Variants in BOD1L1 observed in about 807,000 individuals in gnomAD.
BOD1L1 encodes the protein biorientation of chromosomes in cell division 1 like 1.
Under a neutral mutation model 240.7 loss-of-function variants are expected in BOD1L1, and 86 were observed. The observed-to-expected ratio is 0.36, with a 90% CI of 0.30 to 0.43. The LOEUF (loss-of-function observed/expected upper bound fraction) is 0.43. BOD1L1 is among the 20% of genes least tolerant of loss of function. The pLI, the probability that BOD1L1 is intolerant of heterozygous loss-of-function variation, is 1.00. For synonymous variants in BOD1L1, 1,268 were observed against 1,272.3 expected (o/e 1.00, Z 0.07); for missense variants, 3,554 against 3,643.5 (o/e 0.98, Z 0.63).
chr4:13,603,453 A>C lies in BOD1L1; in HGVS notation c.3447T>G (p.Ile1149Met). The C allele has an allele frequency of 6.2e-7, 1 of 1,613,818 alleles. No individual in the cohort carries two copies. ...TTTTTTGTTTCATATTTTCAGAGTCAATGTCTTGCTGAGAATTATTATTGC... is the reference window on the plus strand; with the variant it reads ...TTTTTTGTTTCATATTTTCAGAGTCCATGTCTTGCTGAGAATTATTATTGC... ...DNRNNNSQQD[I>M]DSENMKQKTS... Residue 1149 changes from isoleucine (I) to methionine (M), a missense_variant, in exon 10 of 26, where the codon ATT becomes ATG. This residue lies in a region of BOD1L1 where 3,393 missense variants were observed against 3,427.1 expected (regional missense o/e 0.99). Transcript: ENST00000040738.
rs775689529 is a variant in BOD1L1 at position 13,601,015 on chromosome 4, A to G, written c.5885T>C (p.Val1962Ala). ...TGGTGTCACTTCATCCTTTCCTGAG[A>G]CTGCACTGGTCACACTGCTTTCTAC... ...GIVESSVTSA[V>A]SGKDEVTPVP... Residue 1962 changes from valine (V) to alanine (A), a missense_variant, in exon 10 of 26, where the codon GTC (valine) becomes GCC (alanine). Physicochemically the swap from Val to Ala is moderately conservative, Grantham distance 64 (BLOSUM62 0). Transcript: ENST00000040738. 1.2e-6 allele frequency: 2 copies of G among 1,613,990 alleles called. No individual in the cohort carries two copies. Among genetic ancestry groups the G allele is most frequent in the South Asian group, 2.2e-5 (2 of 91,078 alleles).
intron 2 of BOD1L1, among the ~76,000 whole-genome samples, chr4:13,616,895 A>G (rs1716644085): frequency 6.6e-6 from 1 of 152,218 alleles, no homozygotes; most frequent in African/African-American, 2.4e-5. Context: ...AAAATGTAGT[A>G]GGTAGAAAAG....
At chr4:13,576,560 A>AAAATATATTTGTAAG (rs1560177942) in intron 25 of BOD1L1, among the ~76,000 whole-genome samples, 138 of 152,326 alleles carry the variant, frequency 9.1e-4, no homozygotes, top group African/African-American at 3.2e-3. Context: ...GAAGGATGGC[A>AAAATATATTTGTAAG]GATGCTCAAA....
chr4:13,621,603 G>A (rs1034967809), intron 1 of BOD1L1, among the ~76,000 whole-genome samples: 1 of 152,152 alleles, frequency 6.6e-6, no homozygotes, highest in African/African-American at 2.4e-5. Context: ...ATCCTCCATT[G>A]ATGTGTAAGC....
intron 16 of BOD1L1, 70 bp downstream of exon 16, chr4:13,587,629 G>T: frequency 8.8e-7 from 1 of 1,139,602 alleles, no homozygotes; most frequent in African/African-American, 1.6e-5. Flanking sequence ...CTATGTTTTT[G>T]GCTCACTCTT....
rs761017070 is a variant in BOD1L1, at chr4:13,608,678, A to C, written c.1604-10T>G. 7.0e-7 allele frequency: 1 copy of C among 1,431,082 alleles called. No homozygotes were observed. The highest frequency in any genetic ancestry group is 1.6e-5 in the South Asian group (1 of 60,832). The allele number at this position is 1,431,082 out of a possible 1,614,324, so 88.6% of individuals were successfully genotyped here. On this transcript the variant is annotated splice_polypyrimidine_tract_variant and intron_variant, in intron 7 of 25. Coordinates refer to ENST00000040738, the MANE Select transcript of BOD1L1 (RefSeq NM_148894.3). The stretch of plus-strand genomic sequence containing the variant: ...TCCACACTACTCCTGCCTAGAAAAG[A>C]AGCAATCAATAAAACGTATTTCAGA...
Position 13,611,090 on chromosome 4 carries a change from C to T in BOD1L1, c.1335G>A (p.Lys445=). The T allele has an allele frequency of 6.3e-7, 1 of 1,599,706 alleles. No individual in the cohort carries two copies. Among genetic ancestry groups the T allele is most frequent in the Non-Finnish European group, 8.5e-7 (1 of 1,170,944 alleles). ...EGEITSDDEE[K]NKQNKTKTQT... is the part of the protein sequence containing the mutation. ...GAGTTTTTGTTTTATTCTGTTTGTT[C>T]TTCTCTTCATCTGTAAGAAAGTTAA... The change falls in exon 6 of 26, where the codon AAG becomes AAA. Residue 445 remains lysine (K), a synonymous_variant. Coordinates refer to ENST00000040738, the MANE Select transcript of BOD1L1 (RefSeq NM_148894.3).
rs1712001533 is a variant in BOD1L1, at chr4:13,569,240, A to G, written c.*771T>C. 6.6e-6 allele frequency: 1 copy of G among 152,244 alleles called. No homozygotes were observed. 9.4% of individuals were successfully genotyped at this position (152,244 alleles called of 1,614,324 possible). A position where few individuals can be genotyped will look rare whatever the true frequency, so the allele number is the denominator to read the frequency against. ...AGGAATGAAGAGGGATTTCTGCTGC[A>G]GGTGACTGACGCAACTTTACCTGAA... On this transcript the variant is annotated 3_prime_UTR_variant, in exon 26 of 26. Transcript: ENST00000040738.
intron 10 of BOD1L1, among the ~76,000 whole-genome samples, chr4:13,597,586 T>C (rs1159213035): frequency 6.6e-6 from 1 of 152,176 alleles, no homozygotes; most frequent in Non-Finnish European, 1.5e-5. Context: ...CACAGAAAAA[T>C]TGAACACAAA....
Position 13,569,982 on chromosome 4 carries a change from C to T in BOD1L1, c.*29G>A. 6.7e-7 allele frequency: 1 copy of T among 1,493,432 alleles called. No homozygotes were observed. Among genetic ancestry groups the T allele is most frequent in the Non-Finnish European group, 9.0e-7 (1 of 1,114,778 alleles). The allele number at this position is 1,493,432 out of a possible 1,614,324, so 92.5% of individuals were successfully genotyped here. A position where few individuals can be genotyped will look rare whatever the true frequency, so the allele number is the denominator to read the frequency against. On this transcript the variant is annotated 3_prime_UTR_variant, in exon 26 of 26. Transcript: ENST00000040738. ...TCTCTTTCCTCTCCACCGTGTTCCT[C>T]CATAAGCCTAGGGCAGCAGTGGTCA...
chr4:13,614,436 T>G lies in BOD1L1; in HGVS notation c.934A>C (p.Ser312Arg). 1 of 1,608,438 alleles carries G rather than the reference T, an allele frequency of 6.2e-7. No homozygotes were observed. The highest frequency in any genetic ancestry group is 1.3e-5 in the African/African-American group (1 of 75,024). ...TCTGTTGATTTATTTTTTTGCTCAC[T>G]GCTTTCCTGTTGAACATCCTTATTT... is the stretch of plus-strand genomic sequence containing the variant. ...LLNKDVQQES[S>R]EQKNKSTDKG... Residue 312 changes from serine to arginine, a missense_variant, in exon 4 of 26, where the codon AGT becomes CGT. Transcript: ENST00000040738.
chr4:13,584,083 CA>C (rs1713447981), intron 17 of BOD1L1, among the ~76,000 whole-genome samples: 1 of 152,202 alleles, frequency 6.6e-6, no homozygotes, highest in Admixed American at 6.5e-5. Context: ...ACAATCTATA[CA>C]GTAAATATTA....
intron 25 of BOD1L1, among the ~76,000 whole-genome samples, chr4:13,573,442 G>GTCTGTCTATCTA (rs1384944208): frequency 3.6e-4 from 43 of 120,752 alleles, no homozygotes; most frequent in East Asian, 7.0e-4. Flanking sequence ...CTGTCTGTCT[G>GTCTGTCTATCTA]TCTATCTATC....
rs1415446991 is a variant in BOD1L1 at position 13,627,663 on chromosome 4, C to T, written c.-76G>A. On this transcript the variant is annotated 5_prime_UTR_variant, in exon 1 of 26. Coordinates refer to ENST00000040738, the MANE Select transcript of BOD1L1 (RefSeq NM_148894.3). ...GAGGCGGCGGCTGCACTGGTCCCGC[C>T]GCCTGAGGGAAGCCAACGGGATGTT... The T allele has an allele frequency of 1.7e-5, 18 of 1,047,190 alleles. No homozygotes were observed. In the African/African-American group the frequency reaches 1.9e-4, roughly 11 times the overall value. The allele number at this position is 1,047,190 out of a possible 1,614,324, so 64.9% of individuals were successfully genotyped here.
chr4:13,571,331 G>A (rs1935199053), intron 25 of BOD1L1, among the ~76,000 whole-genome samples: 1 of 152,212 alleles, frequency 6.6e-6, no homozygotes. Context: ...GGGACTCTTA[G>A]TGATATGAAG....
intron 1 of BOD1L1, among the ~76,000 whole-genome samples, chr4:13,622,437 T>C (rs1053642978): frequency 2.6e-5 from 4 of 152,218 alleles, no homozygotes; most frequent in Admixed American, 6.5e-5. Context: ...TGTACCCACA[T>C]GTACACATAT....
chr4:13,575,698 G>A (rs1712657122), intron 25 of BOD1L1, among the ~76,000 whole-genome samples: 1 of 152,128 alleles, frequency 6.6e-6, no homozygotes. Context: ...AAATATTCAT[G>A]TTTGGGAAAG....
chr4:13,609,423 C>A lies in BOD1L1; in HGVS notation c.1492-17G>T. 1 of 1,444,338 alleles carries A rather than the reference C, an allele frequency of 6.9e-7. No individual in the cohort carries two copies. The highest frequency in any genetic ancestry group is 1.5e-5 in the African/African-American group (1 of 68,720). 89.5% of individuals were successfully genotyped at this position (1,444,338 alleles called of 1,614,324 possible). A position where few individuals can be genotyped will look rare whatever the true frequency, so the allele number is the denominator to read the frequency against. ...TTCTTTGGCCTAAAACCACAAAATA[C>A]CCTAACAGATTATTAGGCAAAGGCA... On this transcript the variant is annotated splice_polypyrimidine_tract_variant and intron_variant, in intron 6 of 25. Transcript: ENST00000040738.
At chr4:13,616,384 G>C (rs1025391454) in intron 2 of BOD1L1, among the ~76,000 whole-genome samples, 1 of 152,208 alleles carries the variant, frequency 6.6e-6, no homozygotes, top group South Asian at 2.1e-4. Flanking sequence ...GAAGAGAAGG[G>C]GAAGAAAGAC....
Sources: gnomAD v4.1 joint callset for allele counts (sites outside exome capture counted in the v4.1 genomes callset) on GRCh38, gnomAD v4.1.1 for gene constraint, gnomAD v4.1.1 regional missense constraint, MANE v1.5 for transcripts, NCBI Gene and HGNC (gene_info 2026-07-23, HGNC 2026-07-21) for gene names.